Variants in CCDC3 observed in about 807,000 individuals in gnomAD.
CCDC3 encodes the protein coiled-coil domain containing 3, also known as coiled-coil domain-containing protein 3.
In CCDC3, 24 loss-of-function variants were observed where a neutral mutation model predicts 21.4. The observed-to-expected ratio is 1.12, with a 90% CI of 0.81 to 1.58. CCDC3 has a LOEUF of 1.58. Among genes scored for constraint, CCDC3 ranks in the 40% most tolerant of loss-of-function variants. The probability of loss-of-function intolerance (pLI) is 0.00; values close to 1 mark genes in which losing one functional copy is unlikely to be tolerated. For synonymous variants in CCDC3, 186 were observed against 166.0 expected (o/e 1.12, Z -0.93); for missense variants, 425 against 360.9 (o/e 1.18, Z -1.44).
chr10:12,950,632 T>G (rs1270175299), intron 2 of CCDC3, among the ~76,000 whole-genome samples: 1 of 152,208 alleles, frequency 6.6e-6, no homozygotes, highest in Non-Finnish European at 1.5e-5. Flanking sequence ...TTTCTCCTTA[T>G]CCTGGACTTT....
intron 2 of CCDC3, among the ~76,000 whole-genome samples, chr10:12,986,654 G>T (rs1196747391): frequency 1.3e-5 from 2 of 151,926 alleles, no homozygotes; most frequent in Non-Finnish European, 1.5e-5. Context: ...GACGCCTGTA[G>T]TCCCAGCTAC....
intron 2 of CCDC3, chr10:13,098,721 T>TTTTTTTTTTTG (rs1832667606): frequency 7.7e-6 from 1 of 129,596 alleles, no homozygotes; most frequent in African/African-American, 3.0e-5. Flanking sequence ...TTTTTTTTTT[T>TTTTTTTTTTTG]TTTTTTTTTT....
chr10:13,069,765 T>G (rs569240760), intron 4 of CCDC3, among the ~76,000 whole-genome samples: 2 of 152,368 alleles, frequency 1.3e-5, no homozygotes, highest in East Asian at 3.9e-4. Flanking sequence ...AAAATTCTAA[T>G]GTCTGAGTAT....
In CCDC3 at chr10:12,914,981, TTCTC is replaced by T. The variant is rs1405995388; in HGVS notation, c.550-16306_550-16303del. Reference sequence around the variant, plus strand: ...GATGCAGGCATTTATTGTTATAAACTTCTCTCTTAGAACTGCTTTTGCTGCATCC... The same window carrying T: ...GATGCAGGCATTTATTGTTATAAACTTCTTAGAACTGCTTTTGCTGCATCC... On this transcript the variant is annotated intron_variant, in intron 2 of 2. Transcript: ENST00000378825. 3.3e-5 allele frequency among the ~76,000 whole-genome samples: 5 copies of T among 152,354 alleles called. No individual in the cohort carries two copies. The East Asian group carries it at 9.6e-4, about 29-fold the overall frequency.
At chr10:12,974,374 G>C (rs1478297745) in intron 2 of CCDC3, among the ~76,000 whole-genome samples, 1 of 152,224 alleles carries the variant, frequency 6.6e-6, no homozygotes, top group Non-Finnish European at 1.5e-5. Flanking sequence ...CCTGCTGGCA[G>C]GGACTGACCT....
intron 2 of CCDC3, among the ~76,000 whole-genome samples, chr10:12,922,672 C>G (rs552499655): frequency 2.0e-5 from 3 of 152,182 alleles, no homozygotes; most frequent in African/African-American, 7.2e-5. Context: ...GGACCCCTTC[C>G]CGCGCCGCAG....
intron 5 of CCDC3, among the ~76,000 whole-genome samples, chr10:13,026,326 T>G (rs556149075): frequency 6.6e-6 from 1 of 152,364 alleles, no homozygotes; most frequent in South Asian, 2.1e-4. Flanking sequence ...TTCCTCATCA[T>G]ACCTTAATAA....
At chr10:12,992,661 G>A (rs1209814282) in intron 2 of CCDC3, among the ~76,000 whole-genome samples, 1 of 151,950 alleles carries the variant, frequency 6.6e-6, no homozygotes, top group Non-Finnish European at 1.5e-5. Context: ...GGGAAGGGTG[G>A]GAGAGGGTGA....
At chr10:13,008,107 G>A (rs1233175295) in intron 5 of CCDC3, among the ~76,000 whole-genome samples, 1 of 152,182 alleles carries the variant, frequency 6.6e-6, no homozygotes, top group Non-Finnish European at 1.5e-5. Flanking sequence ...CCCCATGACA[G>A]GGTACCCTGT....
chr10:13,045,292 A>G (rs2131421158), intron 5 of CCDC3, among the ~76,000 whole-genome samples: 1 of 152,344 alleles, frequency 6.6e-6, no homozygotes, highest in Admixed American at 6.5e-5. Flanking sequence ...TCTGGACTGA[A>G]TTACCATTAT....
intron 2 of CCDC3, among the ~76,000 whole-genome samples, chr10:12,948,032 C>A (rs1589017576): frequency 6.6e-6 from 1 of 152,242 alleles, no homozygotes; most frequent in Non-Finnish European, 1.5e-5. Context: ...CAGTTTGACT[C>A]TGTGTCCCCA....
At chr10:12,915,559 C>T (rs1834339931) in intron 2 of CCDC3, among the ~76,000 whole-genome samples, 1 of 152,076 alleles carries the variant, frequency 6.6e-6, no homozygotes, top group South Asian at 2.1e-4. Context: ...GTTTTTGTGG[C>T]CATAATTTGG....
chr10:13,060,404 G>C (rs1054413896), intron 4 of CCDC3, among the ~76,000 whole-genome samples: 2 of 152,118 alleles, frequency 1.3e-5, no homozygotes, highest in Non-Finnish European at 1.5e-5. Flanking sequence ...GGCTGGAGAG[G>C]AGTTGCGTAT....
intron 4 of CCDC3, chr10:13,058,225 G>C: frequency 1.5e-6 from 2 of 1,311,168 alleles, no homozygotes; most frequent in South Asian, 1.2e-5. Flanking sequence ...CGGTAGTTCT[G>C]GCAAGGCCTG....
At chr10:13,038,296 C>T (rs1384693498) in intron 5 of CCDC3, among the ~76,000 whole-genome samples, 1 of 145,320 alleles carries the variant, frequency 6.9e-6, no homozygotes, top group East Asian at 2.0e-4. Context: ...ATCTGTGCAG[C>T]AAACCACGGT....
intron 2 of CCDC3, among the ~76,000 whole-genome samples, chr10:12,985,117 T>C (rs1357190926): frequency 1.3e-5 from 2 of 152,210 alleles, no homozygotes; most frequent in African/African-American, 4.8e-5. Context: ...TTTTTTTAAA[T>C]TATGGTAAAG....
At chr10:12,918,471 G>A (rs1834393113) in intron 2 of CCDC3, among the ~76,000 whole-genome samples, 1 of 152,154 alleles carries the variant, frequency 6.6e-6, no homozygotes, top group South Asian at 2.1e-4. Flanking sequence ...AAAGACACTT[G>A]ATTCCTTCTG....
intron 5 of CCDC3, among the ~76,000 whole-genome samples, chr10:13,025,120 A>G (rs1057361230): frequency 6.6e-6 from 1 of 152,126 alleles, no homozygotes; most frequent in Non-Finnish European, 1.5e-5. Context: ...GGGTTATTAC[A>G]CTTCACATAT....
chr10:12,956,882 C>A (rs1427676000), intron 2 of CCDC3, among the ~76,000 whole-genome samples: 1 of 152,210 alleles, frequency 6.6e-6, no homozygotes, highest in Non-Finnish European at 1.5e-5. Flanking sequence ...TGAAAAAACT[C>A]AAGGCTGCCA....
Sources: allele counts gnomAD v4.1 joint callset (sites outside exome capture counted in the v4.1 genomes callset), GRCh38; gene constraint gnomAD v4.1.1; transcripts MANE v1.5; gene names NCBI Gene and HGNC (gene_info 2026-07-23, HGNC 2026-07-21).